EFCAB5: variants seen among roughly 807,000 people sequenced by gnomAD.
EFCAB5 encodes EF-hand calcium binding domain 5.
In EFCAB5, 131 loss-of-function variants were observed where a neutral mutation model predicts 167.9. The ratio of observed to expected loss-of-function variants is 0.78; its 90% CI spans 0.68 to 0.90. The LOEUF (loss-of-function observed/expected upper bound fraction) is 0.90, where lower values mean the gene tolerates loss of function less well. Among genes scored for constraint, EFCAB5 ranks in the 40% least tolerant of loss-of-function variants. The pLI is 0.00. For synonymous variants in EFCAB5, 574 were observed against 602.8 expected, an observed-to-expected ratio of 0.95 and a Z score of 0.70; for missense variants, 1,663 against 1,745.2, an observed-to-expected ratio of 0.95 and a Z score of 0.84.
intron 14 of EFCAB5, among the ~76,000 whole-genome samples, chr17:30,060,627 T>C (rs79188363): frequency 0.012 from 1,780 of 152,314 alleles, 33 homozygotes; most frequent in African/African-American, 0.04. Context: ...ATTGTATTGG[T>C]TGAGCGTCAA....
intron 8 of EFCAB5, among the ~76,000 whole-genome samples, chr17:30,035,552 AG>A (rs1168659276): frequency 6.6e-6 from 1 of 152,220 alleles, no homozygotes; most frequent in Non-Finnish European, 1.5e-5. Flanking sequence ...ATGGCACAGG[AG>A]TCCTCTTAAG....
intron 4 of EFCAB5, among the ~76,000 whole-genome samples, chr17:29,981,916 G>A (rs1216540229): frequency 1.3e-5 from 2 of 151,848 alleles, no homozygotes; most frequent in South Asian, 2.1e-4. Flanking sequence ...TTCTGAAGAG[G>A]CCTAATTATT....
Position 30,069,393 on chromosome 17 carries a change from T to C in EFCAB5, c.2738-8822T>C, listed in dbSNP as rs2070667872. ...AGCTTGTTTGATGAAGTGAGGCAGA[T>C]CAAAGGGAGAGTGGTTGAGATTTCC... is the stretch of plus-strand genomic sequence containing the variant. On this transcript the variant is annotated intron_variant, in intron 14 of 22. Transcript: ENST00000394835. The C allele has an allele frequency of 4.5e-6, 7 of 1,547,646 alleles. No individual in the cohort carries two copies. The South Asian group carries it at 7.8e-5, about 17-fold the overall frequency.
chr17:30,043,216 A>AT (rs896444838), intron 8 of EFCAB5, among the ~76,000 whole-genome samples: 1 of 152,164 alleles, frequency 6.6e-6, no homozygotes, highest in Non-Finnish European at 1.5e-5. Context: ...TGATACAAAA[A>AT]TTTTTTAAAA....
intron 3 of EFCAB5, among the ~76,000 whole-genome samples, chr17:29,961,426 A>G (rs1258416935): frequency 1.3e-5 from 2 of 152,126 alleles, no homozygotes; most frequent in Non-Finnish European, 2.9e-5. Context: ...ACTTTTTGAC[A>G]TAATTCTTTG....
chr17:29,970,341 A>G (rs996755703), intron 4 of EFCAB5, among the ~76,000 whole-genome samples: 2 of 152,082 alleles, frequency 1.3e-5, no homozygotes, highest in African/African-American at 2.4e-5. Flanking sequence ...AGACTTTTAA[A>G]TATATTCCAT....
chr17:29,957,982 A>C (rs1257188241), intron 3 of EFCAB5, among the ~76,000 whole-genome samples: 1 of 152,226 alleles, frequency 6.6e-6, no homozygotes, highest in African/African-American at 2.4e-5. Context: ...ATTTCTCCAC[A>C]GCCTTGCCAG....
rs548913193 is a variant in EFCAB5, at chr17:29,988,731, C to A, written c.768-4434C>A. 2.0e-5 allele frequency among the ~76,000 whole-genome samples: 3 copies of A among 152,214 alleles called. No individual in the cohort carries two copies. The East Asian group carries it at 5.8e-4, about 29-fold the overall frequency. ...GACAATAATTTTTCCAGGATCATATCCATGTAATTTAACTATCTGAGTTCT... is the reference window on the plus strand; with the variant it reads ...GACAATAATTTTTCCAGGATCATATACATGTAATTTAACTATCTGAGTTCT... On this transcript the variant is annotated intron_variant, in intron 4 of 22. Transcript: ENST00000394835.
At chr17:30,014,436 A>T (rs2068982287) in intron 7 of EFCAB5, among the ~76,000 whole-genome samples, 1 of 152,068 alleles carries the variant, frequency 6.6e-6, no homozygotes, top group African/African-American at 2.4e-5. Flanking sequence ...TGGGAGTCTA[A>T]GTGTCTTTTT....
At chr17:29,982,521 A>C (rs2151610729) in intron 4 of EFCAB5, among the ~76,000 whole-genome samples, 1 of 152,334 alleles carries the variant, frequency 6.6e-6, no homozygotes, top group African/African-American at 2.4e-5. Context: ...ACCAGTGAAG[A>C]CTTCACTGAA....
At chr17:30,006,948 C>T (rs939766347) in intron 7 of EFCAB5, among the ~76,000 whole-genome samples, 4 of 152,262 alleles carry the variant, frequency 2.6e-5, no homozygotes, top group East Asian at 3.9e-4. Context: ...TGAGCCACTG[C>T]GCCCAGCTGA....
At chr17:29,985,766 G>A (rs114658410) in intron 4 of EFCAB5, among the ~76,000 whole-genome samples, 4,644 of 152,180 alleles carry the variant, frequency 0.031, 111 homozygotes, top group Middle Eastern at 0.048. Flanking sequence ...CCCTCTTTCC[G>A]GTAAACTCAC....
chr17:30,055,324 GGAAGGA>G (rs779044656), intron 10 of EFCAB5, among the ~76,000 whole-genome samples: 4 of 25,406 alleles, frequency 1.6e-4, no homozygotes, highest in Non-Finnish European at 3.7e-4. Context: ...GAGAGAGAGA[GGAAGGA>G]AGGAAGGAAG....
In EFCAB5 at chr17:30,055,966, G is replaced by T. The variant is rs199991261; in HGVS notation, c.2272+1G>T. 22 of 1,613,692 alleles carry T rather than the reference G, an allele frequency of 1.4e-5. No homozygotes were observed. In the African/African-American group the frequency reaches 2.4e-4, roughly 18 times the overall value. On this transcript the variant is annotated splice_donor_variant, in intron 11 of 22. Coordinates refer to ENST00000394835, the MANE Select transcript of EFCAB5 (RefSeq NM_198529.4). LOFTEE classifies it high-confidence loss of function. ...AAAATAGAAGGAAAGTCATGGTCAG[G>T]TAACTCCTCATTTAATCCTCCTTTC...
chr17:29,959,027 G>T (rs1330782659), intron 3 of EFCAB5, among the ~76,000 whole-genome samples: 2 of 152,154 alleles, frequency 1.3e-5, no homozygotes, highest in African/African-American at 4.8e-5. Context: ...GTGCTGAGCT[G>T]CCTGGACTTA....
intron 7 of EFCAB5, among the ~76,000 whole-genome samples, chr17:30,033,571 T>A (rs2069538789): frequency 6.6e-6 from 1 of 152,200 alleles, no homozygotes; most frequent in African/African-American, 2.4e-5. Context: ...ACTCATGCAT[T>A]AGTCATAGGA....
chr17:30,054,347 A>G (rs892862110), intron 10 of EFCAB5, among the ~76,000 whole-genome samples, 199 bp downstream of exon 10: 7 of 152,224 alleles, frequency 4.6e-5, no homozygotes, highest in African/African-American at 1.7e-4. Flanking sequence ...ATGAAATGCA[A>G]GCCAGAATGT....
intron 3 of EFCAB5, among the ~76,000 whole-genome samples, chr17:29,956,379 A>C (rs2067615569): frequency 6.6e-6 from 1 of 152,206 alleles, no homozygotes; most frequent in African/African-American, 2.4e-5. Flanking sequence ...ACATTTATGG[A>C]CACAAAAAGG....
intron 18 of EFCAB5, among the ~76,000 whole-genome samples, chr17:30,083,547 C>T (rs150148225): frequency 6.6e-6 from 1 of 152,214 alleles, no homozygotes; most frequent in Non-Finnish European, 1.5e-5. Context: ...CTCCGCCACC[C>T]GGGCTCAAGC....
Sources: allele counts gnomAD v4.1 joint callset (sites outside exome capture counted in the v4.1 genomes callset), GRCh38; gene constraint gnomAD v4.1.1; transcripts MANE v1.5; gene names NCBI Gene and HGNC (gene_info 2026-07-23, HGNC 2026-07-21).